Variants in ZYG11B observed in about 807,000 individuals in gnomAD.
ZYG11B encodes the protein protein zyg-11 homolog B.
Under a neutral mutation model 82.4 loss-of-function variants are expected in ZYG11B, and 36 were observed. The observed-to-expected ratio is 0.44, with a 90% CI of 0.33 to 0.58. ZYG11B has a LOEUF of 0.58. Ranked by LOEUF, ZYG11B falls within the 20% of genes least tolerant of loss-of-function variation. ZYG11B has a pLI of 0.02. For missense variants in ZYG11B, 552 were observed against 895.6 expected, an observed-to-expected ratio of 0.62 and a Z score of 4.90; for synonymous variants, 303 against 312.8, an observed-to-expected ratio of 0.97 and a Z score of 0.33.
At chr1:52,772,346 G>A (rs1267451256) in intron 3 of ZYG11B, 1 of 1,507,210 alleles carries the variant, frequency 6.6e-7, no homozygotes, top group Non-Finnish European at 9.2e-7. Context: ...TTCCTCTCAA[G>A]ATGCTTTGAA....
In ZYG11B at chr1:52,771,373, T is replaced by A; in HGVS notation, c.550T>A (p.Ser184Thr). 4 of 1,614,202 alleles carry A rather than the reference T, an allele frequency of 2.5e-6. No homozygotes were observed. Among genetic ancestry groups the A allele is most frequent in the Non-Finnish European group, 3.4e-6 (4 of 1,180,046 alleles). ...CAATGAAGACCTGGCTGAAGTTGCCTCATTGCCAAGATTAGAGAGCTTGGA... is the reference window on the plus strand; with the variant it reads ...CAATGAAGACCTGGCTGAAGTTGCCACATTGCCAAGATTAGAGAGCTTGGA... The part of the protein sequence containing the change: ...FYNEDLAEVA[S>T]LPRLESLDIS... Residue 184 changes from serine to threonine, a missense_variant, in exon 3 of 14, where the codon TCA (serine) becomes ACA (threonine). This residue lies in a region of ZYG11B where 359 missense variants were observed against 555.8 expected (regional missense o/e 0.65). Coordinates refer to ENST00000294353, the MANE Select transcript of ZYG11B (RefSeq NM_024646.3). The surrounding 1 kb of genome is among the most constrained non-coding windows in gnomAD (Gnocchi z 5.4).
chr1:52,787,220 A>G (rs1644920531), intron 5 of ZYG11B, among the ~76,000 whole-genome samples: 1 of 152,250 alleles, frequency 6.6e-6, no homozygotes, highest in African/African-American at 2.4e-5. Flanking sequence ...GCAGTGAATG[A>G]TGAATGAATT....
In ZYG11B at chr1:52,802,137, T is replaced by C. The variant is rs1645080132; in HGVS notation, c.1693T>C (p.Leu565=). Reference sequence around the variant, plus strand: ...CATTCAGCAGAAAGTTCTAGGACTTTTGGTAAGATATAAGCACTTCCTGCT... The same window carrying C: ...CATTCAGCAGAAAGTTCTAGGACTTCTGGTAAGATATAAGCACTTCCTGCT... ...SSIQQKVLGL[L]NNIAEVQELH... is the part of the protein sequence containing the mutation. Residue 565 remains leucine, a splice_region_variant and synonymous_variant, in exon 10 of 14, where the codon TTG becomes CTG. Transcript: ENST00000294353. 2.5e-6 allele frequency: 4 copies of C among 1,610,410 alleles called. No homozygotes were observed. The highest frequency in any genetic ancestry group is 1.7e-5 in the Admixed American group (1 of 59,450).
At chr1:52,769,694 G>C (rs543443579) in intron 2 of ZYG11B, among the ~76,000 whole-genome samples, 6 of 152,306 alleles carry the variant, frequency 3.9e-5, no homozygotes, top group Admixed American at 2.0e-4. Flanking sequence ...TTAGAGAATA[G>C]TGCTCCCTTT....
intron 10 of ZYG11B, among the ~76,000 whole-genome samples, chr1:52,812,108 A>G (rs1448872032): frequency 6.6e-6 from 1 of 151,624 alleles, no homozygotes; most frequent in Admixed American, 6.6e-5. Flanking sequence ...TATATTTATA[A>G]TATTTATAAT....
chr1:52,813,534 A>T lies in ZYG11B; in HGVS notation c.1696-2A>T. 6.3e-7 allele frequency: 1 copy of T among 1,592,158 alleles called. No individual in the cohort carries two copies. Among genetic ancestry groups the T allele is most frequent in the Non-Finnish European group, 8.5e-7 (1 of 1,170,360 alleles). On this transcript the variant is annotated splice_acceptor_variant, in intron 10 of 13. Transcript: ENST00000294353. LOFTEE classifies it high-confidence loss of function. ...TTTTTATATTTTCTTTTTTTTTTCC[A>T]GAACAATATAGCTGAAGTACAAGAA...
At chr1:52,735,570 T>A (rs1171019709) in intron 1 of ZYG11B, among the ~76,000 whole-genome samples, 1 of 151,364 alleles carries the variant, frequency 6.6e-6, no homozygotes, top group Admixed American at 6.6e-5. Flanking sequence ...AGAGTCTCTC[T>A]CTGCCACCCA....
intron 1 of ZYG11B, among the ~76,000 whole-genome samples, chr1:52,729,567 G>A (rs1214652601): frequency 6.6e-6 from 1 of 152,148 alleles, no homozygotes; most frequent in East Asian, 1.9e-4. Flanking sequence ...ATAAAGCTTT[G>A]TATTTTATAT....
chr1:52,776,175 C>T (rs184837781), intron 3 of ZYG11B, among the ~76,000 whole-genome samples: 1,525 of 116,414 alleles, frequency 0.013, 14 homozygotes, highest in African/African-American at 0.036. Context: ...ACCAAGATGG[C>T]GCCATTGATT....
chr1:52,772,583 G>A, intron 3 of ZYG11B: 1 of 1,569,962 alleles, frequency 6.4e-7, no homozygotes, highest in East Asian at 2.2e-5. Flanking sequence ...ACCAAGTGGG[G>A]AAGCTGCGTC....
At chr1:52,787,004 C>T (rs994388882) in intron 5 of ZYG11B, among the ~76,000 whole-genome samples, 4 of 151,932 alleles carry the variant, frequency 2.6e-5, no homozygotes, top group South Asian at 2.1e-4. Flanking sequence ...GCAGGAGAAT[C>T]GCTTGAACCC....
chr1:52,803,279 C>CACACATAT (rs369258244), intron 10 of ZYG11B, among the ~76,000 whole-genome samples: 4 of 68,104 alleles, frequency 5.9e-5, no homozygotes, highest in East Asian at 8.5e-4. Flanking sequence ...CACACACACA[C>CACACATAT]ATATATATAT....
chr1:52,743,070 T>A (rs1184829116), intron 1 of ZYG11B, among the ~76,000 whole-genome samples: 4 of 151,778 alleles, frequency 2.6e-5, no homozygotes, highest in Non-Finnish European at 5.9e-5. Context: ...CAACAGCTCA[T>A]TGTGAACGGG....
chr1:52,735,055 G>T (rs1163449309), intron 1 of ZYG11B, among the ~76,000 whole-genome samples: 1 of 141,242 alleles, frequency 7.1e-6, no homozygotes, highest in African/African-American at 2.7e-5. Context: ...TTTTTGAGAC[G>T]GAGTTTCTCT....
chr1:52,748,969 G>T (rs1032565441), intron 1 of ZYG11B, among the ~76,000 whole-genome samples: 1 of 151,832 alleles, frequency 6.6e-6, no homozygotes, highest in African/African-American at 2.4e-5. Context: ...GGGAGGCTAA[G>T]GCAGGCAGAT....
intron 10 of ZYG11B, among the ~76,000 whole-genome samples, chr1:52,810,833 A>AATTG (rs1645176260): frequency 6.6e-6 from 1 of 152,024 alleles, no homozygotes; most frequent in Non-Finnish European, 1.5e-5. Flanking sequence ...TCAGGAGTTC[A>AATTG]AGACCAGCCT....
chr1:52,801,234 A>G (rs1040077046), intron 8 of ZYG11B, among the ~76,000 whole-genome samples: 1 of 152,110 alleles, frequency 6.6e-6, no homozygotes, highest in Non-Finnish European at 1.5e-5. Context: ...GGGAGGGGCT[A>G]TTATCTTATT....
intron 2 of ZYG11B, among the ~76,000 whole-genome samples, chr1:52,758,198 C>CAA (rs11325463): frequency 2.1e-4 from 14 of 66,416 alleles, no homozygotes; most frequent in Non-Finnish European, 3.3e-4. Context: ...GACTCTGTCT[C>CAA]AAAAAAAAAA....
intron 2 of ZYG11B, among the ~76,000 whole-genome samples, chr1:52,767,695 A>T (rs183343232): frequency 6.6e-6 from 1 of 152,212 alleles, no homozygotes; most frequent in East Asian, 1.9e-4. Flanking sequence ...CTGACTCCCC[A>T]CTAGGATTCT....
Sources: gnomAD v4.1 joint callset for allele counts (sites outside exome capture counted in the v4.1 genomes callset) on GRCh38, gnomAD v4.1.1 for gene constraint, gnomAD v4.1.1 regional missense constraint, Gnocchi (gnomAD v3.1) non-coding constraint, MANE v1.5 for transcripts, NCBI Gene and HGNC (gene_info 2026-07-23, HGNC 2026-07-21) for gene names.